Variants in PUDP observed in about 807,000 individuals in gnomAD.
PUDP encodes the protein pseudouridine 5'-phosphatase.
PUDP carries 8 observed loss-of-function variants against 9.4 expected under a neutral mutation model. The observed-to-expected ratio is 0.85, with a 90% confidence interval of 0.50 to 1.53. The LOEUF (loss-of-function observed/expected upper bound fraction) is 1.53. PUDP is among the 40% of genes most tolerant of loss of function. PUDP has a pLI of 0.00. For missense variants in PUDP, 188 were observed against 189.7 expected, an observed-to-expected ratio of 0.99 and a Z score of 0.05; for synonymous variants, 99 against 80.7, an observed-to-expected ratio of 1.23 and a Z score of -1.22.
chrX:6,928,692 C>T (rs1928142851), intron 3 of PUDP, among the ~76,000 whole-genome samples: 1 of 111,055 alleles, frequency 9.0e-6, no homozygotes. Flanking sequence ...CTCAGGAGTT[C>T]GAGACCAGCC....
chrX:6,824,407 A>C (rs1926394144), intron 3 of PUDP, among the ~76,000 whole-genome samples: 1 of 111,479 alleles, frequency 9.0e-6, no homozygotes, highest in Non-Finnish European at 1.9e-5. Context: ...ACAGACTAAT[A>C]CAACCTGTAT....
At chrX:6,831,162 G>A (rs1192480711) in intron 3 of PUDP, among the ~76,000 whole-genome samples, 1 of 111,802 alleles carries the variant, frequency 8.9e-6, no homozygotes, top group Non-Finnish European at 1.9e-5. Flanking sequence ...ATTGATCTGG[G>A]TGGTTGCAGC....
intron 3 of PUDP, among the ~76,000 whole-genome samples, chrX:6,734,357 C>T (rs769236538): frequency 9.0e-6 from 1 of 111,712 alleles, no homozygotes; most frequent in African/African-American, 3.3e-5. Context: ...CGTCTTATCA[C>T]CAAAAATGAT....
intron 2 of PUDP, among the ~76,000 whole-genome samples, chrX:7,091,504 A>G (rs1465714355): frequency 9.0e-6 from 1 of 111,277 alleles, no homozygotes; most frequent in Non-Finnish European, 1.9e-5. Context: ...ATGCCCAGCT[A>G]ATTTTTTTTG....
At chrX:6,968,904 G>A (rs965173292) in intron 3 of PUDP, among the ~76,000 whole-genome samples, 1 of 112,199 alleles carries the variant, frequency 8.9e-6, no homozygotes, top group Non-Finnish European at 1.9e-5. Flanking sequence ...ACAGGCGTGA[G>A]CCACCGCACC....
At chrX:7,134,166 A>T (rs1266941548) in intron 1 of PUDP, among the ~76,000 whole-genome samples, 1 of 112,303 alleles carries the variant, frequency 8.9e-6, no homozygotes, top group Non-Finnish European at 1.9e-5. Context: ...GCCAGGCTTC[A>T]GTTACCAACG....
At chrX:7,143,606 G>C (rs1273801063) in intron 1 of PUDP, among the ~76,000 whole-genome samples, 2 of 112,023 alleles carry the variant, frequency 1.8e-5, no homozygotes, top group African/African-American at 6.5e-5. Flanking sequence ...AGGTTGGCAT[G>C]GTTCAGGTCA....
At chrX:6,706,707 A>T (rs1924473658) in intron 1 of PUDP, among the ~76,000 whole-genome samples, 1 of 111,758 alleles carries the variant, frequency 8.9e-6, no homozygotes, top group Admixed American at 9.5e-5. Flanking sequence ...GCAGACACAC[A>T]ATGAGGCTCT....
chrX:6,919,896 A>G (rs1927994863), intron 3 of PUDP, among the ~76,000 whole-genome samples: 1 of 94,445 alleles, frequency 1.1e-5, no homozygotes, highest in Admixed American at 1.3e-4. Flanking sequence ...AAAAAAAAAA[A>G]AGAATGTCTG....
upstream of PUDP, among the ~76,000 whole-genome samples, chrX:6,724,107 A>G (rs1924710416): frequency 9.0e-6 from 1 of 111,552 alleles, no homozygotes; most frequent in South Asian, 3.8e-4. Flanking sequence ...ATTTCCGTTA[A>G]ACGGCACTGC....
At chrX:7,127,588 T>C (rs971051264) in intron 1 of PUDP, among the ~76,000 whole-genome samples, 1 of 112,480 alleles carries the variant, frequency 8.9e-6, no homozygotes, top group African/African-American at 3.2e-5. Context: ...GGAACTGTTT[T>C]CCTTAATGAA....
At chrX:7,065,042 A>C (rs1385346006) in intron 3 of PUDP, among the ~76,000 whole-genome samples, 1 of 111,659 alleles carries the variant, frequency 9.0e-6, no homozygotes, top group Non-Finnish European at 1.9e-5. Flanking sequence ...AAAGACTTAA[A>C]ATATCCCTTC....
chrX:6,744,900 G>A (rs1470124058), intron 3 of PUDP, among the ~76,000 whole-genome samples: 3 of 111,725 alleles, frequency 2.7e-5, no homozygotes, highest in Admixed American at 9.5e-5. Flanking sequence ...AATATTAAAC[G>A]AAATATTAAT....
intron 1 of PUDP, among the ~76,000 whole-genome samples, chrX:7,028,817 C>G (rs373654441): frequency 8.9e-6 from 1 of 111,742 alleles, no homozygotes; most frequent in Non-Finnish European, 1.9e-5. Context: ...GACATTGATT[C>G]TCTTGCAGTC....
intron 2 of PUDP, among the ~76,000 whole-genome samples, chrX:7,095,747 A>G (rs1163751579): frequency 8.9e-6 from 1 of 112,488 alleles, no homozygotes; most frequent in Non-Finnish European, 1.9e-5. Flanking sequence ...GTAATGGATT[A>G]TCAGAGCGGC....
chrX:7,082,518 T>G (rs928064505), intron 2 of PUDP, among the ~76,000 whole-genome samples: 11 of 111,915 alleles, frequency 9.8e-5, no homozygotes, highest in Admixed American at 4.7e-4. Flanking sequence ...TAGAGGGCCG[T>G]GCATGTCATT....
At chrX:7,097,053 AAG>A (rs1931593770) in intron 2 of PUDP, among the ~76,000 whole-genome samples, 1 of 111,315 alleles carries the variant, frequency 9.0e-6, no homozygotes, top group Non-Finnish European at 1.9e-5. Context: ...ACACACTCCA[AAG>A]AATGTTCCGT....
intron 3 of PUDP, among the ~76,000 whole-genome samples, chrX:6,869,572 T>C (rs778715070): frequency 9.0e-6 from 1 of 111,664 alleles, no homozygotes; most frequent in East Asian, 2.8e-4. Context: ...AGTGACTGTG[T>C]CAGCAAACAA....
At chrX:7,054,608 T>G (rs956972232) in intron 3 of PUDP, among the ~76,000 whole-genome samples, 1 of 111,053 alleles carries the variant, frequency 9.0e-6, no homozygotes, top group Non-Finnish European at 1.9e-5. Flanking sequence ...AGGTCAAAAG[T>G]AAGTACAGCC....
Sources: gnomAD v4.1 joint callset for allele counts (sites outside exome capture counted in the v4.1 genomes callset) on GRCh38, gnomAD v4.1.1 for gene constraint, MANE v1.5 for transcripts, NCBI Gene and HGNC (gene_info 2026-07-23, HGNC 2026-07-21) for gene names.